The following ARHGAP15 variants were observed in gnomAD, a reference collection of about 807,000 sequenced individuals.
ARHGAP15 encodes Rho GTPase activating protein 15.
A neutral mutation model predicts 63.7 loss-of-function variants in ARHGAP15; 51 were observed. That is an observed-to-expected ratio of 0.80 (90% CI 0.64 to 1.01). The LOEUF (loss-of-function observed/expected upper bound fraction) is 1.01, where lower values mean the gene tolerates loss of function less well. Among genes scored for constraint, ARHGAP15 ranks in the 50% least tolerant of loss-of-function variants. The pLI is 0.00. For synonymous variants in ARHGAP15, 191 were observed against 193.8 expected (o/e 0.99, Z 0.12); for missense variants, 560 against 564.6 (o/e 0.99, Z 0.08).
chr2:143,229,307 C>A (rs1041978765), intron 5 of ARHGAP15, among the ~76,000 whole-genome samples: 1 of 152,134 alleles, frequency 6.6e-6, no homozygotes, highest in Non-Finnish European at 1.5e-5. Context: ...ATCCAGCTAA[C>A]CTTTTTGAAT....
chr2:143,252,697 G>T (rs141734372), intron 6 of ARHGAP15, among the ~76,000 whole-genome samples: 59 of 152,122 alleles, frequency 3.9e-4, no homozygotes, highest in African/African-American at 1.4e-3. Context: ...TCACCTAAAT[G>T]CATGAGTTTT....
chr2:143,624,336 A>G, intron 12 of ARHGAP15, 69 bp downstream of exon 12: 1 of 1,464,644 alleles, frequency 6.8e-7, no homozygotes, highest in Non-Finnish European at 9.2e-7. Flanking sequence ...AGTAAATAAT[A>G]AGAATGATTA....
intron 5 of ARHGAP15, chr2:143,247,546 A>G (rs927037553): frequency 6.6e-6 from 1 of 152,252 alleles, no homozygotes; most frequent in Non-Finnish European, 1.5e-5. Context: ...ACAAAGCTAG[A>G]TGATGAGAAA....
At chr2:143,638,886 TA>T (rs1316592162) in intron 12 of ARHGAP15, among the ~76,000 whole-genome samples, 1 of 152,036 alleles carries the variant, frequency 6.6e-6, no homozygotes, top group African/African-American at 2.4e-5. Flanking sequence ...TTTACTTACA[TA>T]TAGCCAATTG....
At chr2:143,346,132 C>T (rs1466456876) in intron 6 of ARHGAP15, among the ~76,000 whole-genome samples, 1 of 151,468 alleles carries the variant, frequency 6.6e-6, no homozygotes, top group Non-Finnish European at 1.5e-5. Flanking sequence ...TGCCACGATA[C>T]AGTCATGTCC....
intron 6 of ARHGAP15, among the ~76,000 whole-genome samples, chr2:143,256,405 G>T (rs1680430305): frequency 6.6e-6 from 1 of 152,072 alleles, no homozygotes; most frequent in Admixed American, 6.6e-5. Flanking sequence ...TTTTTATTGT[G>T]TGACTAAGAA....
intron 8 of ARHGAP15, among the ~76,000 whole-genome samples, chr2:143,461,028 G>A (rs1169193810): frequency 1.3e-5 from 2 of 151,774 alleles, no homozygotes; most frequent in Non-Finnish European, 2.9e-5. Flanking sequence ...GGTGGCGCAC[G>A]CCTGTAATCC....
At chr2:143,209,960 A>G (rs185786440) in intron 3 of ARHGAP15, among the ~76,000 whole-genome samples, 14 of 152,276 alleles carry the variant, frequency 9.2e-5, no homozygotes, top group Admixed American at 7.9e-4. Context: ...GTAGAGAAAA[A>G]GAACACACAG....
chr2:143,687,787 A>T (rs977154499), intron 12 of ARHGAP15, among the ~76,000 whole-genome samples: 11 of 152,198 alleles, frequency 7.2e-5, no homozygotes, highest in African/African-American at 2.7e-4. Context: ...CAAACTCATT[A>T]TTGAAAATGT....
chr2:143,139,531 A>G (rs1457712909), intron 1 of ARHGAP15, among the ~76,000 whole-genome samples: 2 of 152,112 alleles, frequency 1.3e-5, no homozygotes, highest in African/African-American at 4.8e-5. Flanking sequence ...TGAGTTAACT[A>G]ATGCAAGTAA....
chr2:143,155,366 C>G (rs930854122), intron 1 of ARHGAP15, 111 bp from the exon 2 acceptor site: 4 of 1,052,652 alleles, frequency 3.8e-6, no homozygotes, highest in Non-Finnish European at 5.3e-6. Flanking sequence ...GAGGTGAAGA[C>G]TCTTGTTTAT....
At chr2:143,388,576 C>T (rs1687400068) in intron 6 of ARHGAP15, among the ~76,000 whole-genome samples, 1 of 152,134 alleles carries the variant, frequency 6.6e-6, no homozygotes, top group South Asian at 2.1e-4. Flanking sequence ...TTGCTCTAAA[C>T]TTAATAGGCT....
intron 13 of ARHGAP15, among the ~76,000 whole-genome samples, chr2:143,727,465 G>C (rs911230438): frequency 1.3e-5 from 2 of 152,152 alleles, no homozygotes; most frequent in African/African-American, 4.8e-5. Flanking sequence ...TTTTGTTTAA[G>C]AAAGATATTA....
At chr2:143,181,040 G>A (rs574201742) in intron 2 of ARHGAP15, among the ~76,000 whole-genome samples, 2 of 152,258 alleles carry the variant, frequency 1.3e-5, no homozygotes, top group African/African-American at 4.8e-5. Flanking sequence ...GCTGCAGAAT[G>A]GATGTTAGCA....
chr2:143,312,695 A>G (rs1683505493), intron 6 of ARHGAP15, among the ~76,000 whole-genome samples: 1 of 152,288 alleles, frequency 6.6e-6, no homozygotes, highest in Non-Finnish European at 1.5e-5. Flanking sequence ...AGTTCTTTTA[A>G]TACGCTAATT....
At chr2:143,333,051 C>T (rs1444289831) in intron 6 of ARHGAP15, among the ~76,000 whole-genome samples, 1 of 150,934 alleles carries the variant, frequency 6.6e-6, no homozygotes, top group African/African-American at 2.4e-5. Flanking sequence ...ATGCTTGTAG[C>T]CTTCACTGGC....
intron 12 of ARHGAP15, among the ~76,000 whole-genome samples, chr2:143,685,172 G>C (rs1036599734): frequency 4.0e-5 from 6 of 151,828 alleles, no homozygotes; most frequent in Non-Finnish European, 8.8e-5. Flanking sequence ...GCTCGGGAGA[G>C]GGGGGTGGGC....
At chr2:143,688,725 G>T (rs920993037) in intron 12 of ARHGAP15, among the ~76,000 whole-genome samples, 2 of 152,138 alleles carry the variant, frequency 1.3e-5, no homozygotes, top group Non-Finnish European at 2.9e-5. Flanking sequence ...TTTTGAGTAT[G>T]CACACAATTT....
intron 12 of ARHGAP15, among the ~76,000 whole-genome samples, chr2:143,646,422 ACTGT>A (rs1245536514): frequency 3.9e-5 from 6 of 152,006 alleles, no homozygotes; most frequent in Non-Finnish European, 5.9e-5. Flanking sequence ...TTGCTTACAG[ACTGT>A]CTGACGCCTT....
Sources: allele counts gnomAD v4.1 joint callset (sites outside exome capture counted in the v4.1 genomes callset), GRCh38; gene constraint gnomAD v4.1.1; transcripts MANE v1.5; gene names NCBI Gene and HGNC (gene_info 2026-07-23, HGNC 2026-07-21).